Variants in SGCD observed in about 807,000 individuals in gnomAD.
The protein encoded by SGCD is sarcoglycan delta.
Under a neutral mutation model 36.6 loss-of-function variants are expected in SGCD, and 18 were observed. That is an observed-to-expected ratio of 0.49 (90% CI 0.34 to 0.73). The LOEUF is 0.73. SGCD is among the 30% of genes least tolerant of loss of function. The pLI, the probability that SGCD is intolerant of heterozygous loss-of-function variation, is 0.01. For synonymous variants in SGCD, 133 were observed against 130.6 expected (o/e 1.02, Z -0.12); for missense variants, 387 against 346.7 (o/e 1.12, Z -0.92).
chr5:156,667,554 T>C (rs1272817290), intron 7 of SGCD, among the ~76,000 whole-genome samples: 1 of 152,214 alleles, frequency 6.6e-6, no homozygotes, highest in Non-Finnish European at 1.5e-5. Context: ...TAGAAAACTA[T>C]AGCGGACCAA....
chr5:156,094,473 A>G (rs1304176389), intron 1 of SGCD, among the ~76,000 whole-genome samples: 3 of 152,216 alleles, frequency 2.0e-5, no homozygotes, highest in Non-Finnish European at 4.4e-5. Context: ...AAAGCCTGGC[A>G]TTATGGTATT....
At chr5:156,705,129 C>T (rs778944284) in intron 7 of SGCD, among the ~76,000 whole-genome samples, 1 of 152,058 alleles carries the variant, frequency 6.6e-6, no homozygotes, top group Non-Finnish European at 1.5e-5. Flanking sequence ...ATATAATATA[C>T]TGTTATAGGT....
chr5:156,206,255 C>A (rs899614296), intron 3 of SGCD, among the ~76,000 whole-genome samples: 2 of 151,788 alleles, frequency 1.3e-5, no homozygotes, highest in Non-Finnish European at 1.5e-5. Flanking sequence ...GTGTGTTCAA[C>A]CAGTCTTCTG....
At chr5:155,782,452 A>T in the SGCD span, among the ~76,000 whole-genome samples, 1 of 152,010 alleles carries the variant, frequency 6.6e-6, no homozygotes, top group Non-Finnish European at 1.5e-5. Context: ...AACCTAAATC[A>T]CTCCTAAACC....
chr5:156,039,853 A>G (rs570956112), intron 1 of SGCD, among the ~76,000 whole-genome samples: 1 of 152,244 alleles, frequency 6.6e-6, no homozygotes, highest in Non-Finnish European at 1.5e-5. Context: ...TGACTCCTAT[A>G]TAAAAGAAAA....
chr5:156,389,001 C>T (rs914676791), intron 3 of SGCD, among the ~76,000 whole-genome samples: 31 of 152,070 alleles, frequency 2.0e-4, no homozygotes, highest in Admixed American at 2.0e-3. Context: ...GGGGAAGGTA[C>T]AATACAATTC....
chr5:156,691,702 T>G (rs1466468079), intron 7 of SGCD, among the ~76,000 whole-genome samples: 1 of 152,202 alleles, frequency 6.6e-6, no homozygotes, highest in East Asian at 1.9e-4. Context: ...TTGCATGCCA[T>G]GCAAAAACAG....
At chr5:156,217,521 A>G (rs773830486) in intron 3 of SGCD, among the ~76,000 whole-genome samples, 8 of 152,130 alleles carry the variant, frequency 5.3e-5, no homozygotes, top group Non-Finnish European at 1.2e-4. Flanking sequence ...ATGTGGGATA[A>G]CATTGCAACA....
chr5:156,695,134 GTGTT>G (rs1245440476), intron 7 of SGCD, among the ~76,000 whole-genome samples: 74 of 114,688 alleles, frequency 6.5e-4, no homozygotes, highest in African/African-American at 9.4e-4. Context: ...GTGTGTGTGT[GTGTT>G]TGTGTGTGTG....
intron 3 of SGCD, among the ~76,000 whole-genome samples, chr5:156,296,940 A>G (rs1345104001): frequency 6.6e-6 from 1 of 152,018 alleles, no homozygotes. Context: ...ATGCACATAT[A>G]TACACACACA....
chr5:156,220,391 A>G (rs1764687585), intron 3 of SGCD, among the ~76,000 whole-genome samples: 1 of 152,158 alleles, frequency 6.6e-6, no homozygotes, highest in Admixed American at 6.6e-5. Context: ...CCAACAGTCT[A>G]TTAAATAGAT....
intron 1 of SGCD, among the ~76,000 whole-genome samples, chr5:155,900,425 T>TTA (rs1554103151): frequency 1.3e-5 from 2 of 151,648 alleles, no homozygotes; most frequent in Non-Finnish European, 2.9e-5. Flanking sequence ...CTAGCTTTTT[T>TTA]TTATTATTAT....
chr5:156,317,371 C>G (rs540198682), intron 3 of SGCD, among the ~76,000 whole-genome samples: 24 of 152,230 alleles, frequency 1.6e-4, no homozygotes, highest in African/African-American at 5.8e-4. Flanking sequence ...AGGGATAAGA[C>G]AGTTTAATAA....
intron 4 of SGCD, among the ~76,000 whole-genome samples, 169 bp downstream of exon 4, chr5:156,508,871 A>G (rs534592862): frequency 3.7e-4 from 57 of 152,290 alleles, no homozygotes; most frequent in Middle Eastern, 3.4e-3. Context: ...CAGCAGTGGT[A>G]CTGTAAGCAA....
At chr5:156,696,194 G>C (rs559809235) in intron 7 of SGCD, among the ~76,000 whole-genome samples, 37 of 152,202 alleles carry the variant, frequency 2.4e-4, no homozygotes, top group Non-Finnish European at 4.9e-4. Flanking sequence ...CCTGAGATTT[G>C]TCATTGAGAC....
chr5:156,601,661 A>G (rs1761196329), intron 6 of SGCD, among the ~76,000 whole-genome samples: 2 of 151,934 alleles, frequency 1.3e-5, no homozygotes, highest in Admixed American at 6.6e-5. Flanking sequence ...ATTTCTGTGA[A>G]TAATGTCATT....
intron 3 of SGCD, among the ~76,000 whole-genome samples, chr5:156,161,111 A>T (rs1208617185): frequency 6.6e-6 from 1 of 151,706 alleles, no homozygotes; most frequent in Non-Finnish European, 1.5e-5. Flanking sequence ...TTTACTTACA[A>T]GTGTCTATGG....
chr5:156,315,225 C>A (rs914241833), intron 3 of SGCD, among the ~76,000 whole-genome samples: 1 of 151,380 alleles, frequency 6.6e-6, no homozygotes, highest in Non-Finnish European at 1.5e-5. Flanking sequence ...CCTACCACCC[C>A]CTTGTAACCA....
chr5:156,571,085 C>T (rs150711897), intron 4 of SGCD, among the ~76,000 whole-genome samples: 1,747 of 152,208 alleles, frequency 0.011, 34 homozygotes, highest in African/African-American at 0.034. Context: ...CTTGCTCTGT[C>T]GCCCAGCCTG....
Sources: allele counts gnomAD v4.1 joint callset (sites outside exome capture counted in the v4.1 genomes callset), GRCh38; gene constraint gnomAD v4.1.1; transcripts MANE v1.5; gene names NCBI Gene and HGNC (gene_info 2026-07-23, HGNC 2026-07-21).